IL36B: variants seen among roughly 807,000 people sequenced by gnomAD.
IL36B encodes the protein interleukin-36 beta.
In IL36B, 23 loss-of-function variants were observed where a neutral mutation model predicts 19.3. That is an observed-to-expected ratio of 1.19 (90% confidence interval 0.86 to 1.69). The LOEUF is 1.69. Ranked by LOEUF, IL36B falls within the 40% of genes most tolerant of loss-of-function variation. IL36B has a pLI of 0.00. For missense variants in IL36B, 217 were observed against 200.5 expected, an observed-to-expected ratio of 1.08 and a Z score of -0.50; for synonymous variants, 59 against 59.7, an observed-to-expected ratio of 0.99 and a Z score of 0.05.
At chr2:113,028,005 G>C (rs1684995791) in intron 4 of IL36B, 2 of 1,614,064 alleles carry the variant, frequency 1.2e-6, no homozygotes, top group Non-Finnish European at 8.5e-7. Context: ...CTATGAACCA[G>C]CCAGGGTAAG....
At chr2:113,048,427 G>C (rs1442384502) in intron 1 of IL36B, among the ~76,000 whole-genome samples, 2 of 152,184 alleles carry the variant, frequency 1.3e-5, no homozygotes, top group Non-Finnish European at 2.9e-5. Context: ...GAGTGACAGA[G>C]TGAGACTCTG....
At chr2:113,026,374 T>C (rs1347621470) in intron 4 of IL36B, 1 of 1,344,144 alleles carries the variant, frequency 7.4e-7, no homozygotes, top group Non-Finnish European at 9.9e-7. Flanking sequence ...CCAAAGAGAA[T>C]GCGGGGCACT....
At chr2:113,036,620 C>T (rs1461537071) in intron 1 of IL36B, among the ~76,000 whole-genome samples, 1 of 152,054 alleles carries the variant, frequency 6.6e-6, no homozygotes, top group East Asian at 1.9e-4. Flanking sequence ...TCTTCCTGCC[C>T]CCAGGAAGAA....
intron 1 of IL36B, among the ~76,000 whole-genome samples, chr2:113,034,931 C>G (rs1685140844): frequency 6.6e-6 from 1 of 152,134 alleles, no homozygotes; most frequent in Non-Finnish European, 1.5e-5. Flanking sequence ...TCAGGGAGAC[C>G]CTGATGTGAT....
intron 4 of IL36B, among the ~76,000 whole-genome samples, 157 bp from the exon 5 acceptor site, chr2:113,028,272 A>C (rs1685002121): frequency 6.6e-6 from 1 of 152,156 alleles, no homozygotes. Flanking sequence ...AGAGTGTTAA[A>C]AACGGGAACT....
intron 5 of IL36B, among the ~76,000 whole-genome samples, chr2:113,025,097 G>A (rs2105038832): frequency 6.6e-6 from 1 of 152,320 alleles, no homozygotes; most frequent in South Asian, 2.1e-4. Context: ...CCAAGAGGGA[G>A]GCAGAGGATA....
At chr2:113,027,444 A>T in intron 4 of IL36B, 1 of 1,011,338 alleles carries the variant, frequency 9.9e-7, no homozygotes, top group Non-Finnish European at 1.2e-6. Context: ...TAGGATTAGA[A>T]AGACATGCAA....
intron 5 of IL36B, among the ~76,000 whole-genome samples, chr2:113,024,215 CTCTTGCT>C (rs1401314414): frequency 2.6e-5 from 4 of 152,128 alleles, no homozygotes; most frequent in African/African-American, 9.7e-5. Context: ...AGGACCGTGA[CTCTTGCT>C]TAAGAAAGCA....
At chr2:113,027,747 T>A (rs1209526150) in intron 4 of IL36B, 3 of 1,444,610 alleles carry the variant, frequency 2.1e-6, no homozygotes, top group Non-Finnish European at 1.8e-6. Flanking sequence ...CAGAAATGGA[T>A]GTTTGGAGGA....
At chr2:113,036,845 G>T (rs1467799177) in intron 1 of IL36B, among the ~76,000 whole-genome samples, 3 of 152,218 alleles carry the variant, frequency 2.0e-5, no homozygotes, top group African/African-American at 7.2e-5. Context: ...AGTCAGAAGG[G>T]ACTGCATCTG....
At chr2:113,050,582 T>G (rs1372766898) in intron 1 of IL36B, among the ~76,000 whole-genome samples, 1 of 152,158 alleles carries the variant, frequency 6.6e-6, no homozygotes, top group Non-Finnish European at 1.5e-5. Flanking sequence ...ACTGTACACT[T>G]AAAAATGGTT....
At chr2:113,033,426 A>G (rs1242190998) in intron 1 of IL36B, among the ~76,000 whole-genome samples, 8 of 152,046 alleles carry the variant, frequency 5.3e-5, no homozygotes, top group Non-Finnish European at 1.2e-4. Context: ...TTCAGTAGAG[A>G]AGGGGTTTCA....
intron 4 of IL36B, chr2:113,026,380 G>A: frequency 1.5e-6 from 2 of 1,313,448 alleles, no homozygotes; most frequent in Non-Finnish European, 2.0e-6. Flanking sequence ...AGAATGCGGG[G>A]CACTGAAGCA....
At chr2:113,030,575 A>T (rs1185132578) in intron 3 of IL36B, among the ~76,000 whole-genome samples, 1 of 152,254 alleles carries the variant, frequency 6.6e-6, no homozygotes, top group Non-Finnish European at 1.5e-5. Flanking sequence ...GGAATTAAAC[A>T]TTGAAGTTCT....
At chr2:113,043,062 T>C (rs1435304839) in intron 1 of IL36B, among the ~76,000 whole-genome samples, 2 of 152,168 alleles carry the variant, frequency 1.3e-5, no homozygotes, top group African/African-American at 4.8e-5. Context: ...CTTTTTGTTT[T>C]GGTCATCTGT....
chr2:113,031,858 T>C, intron 1 of IL36B, 92 bp from the exon 2 acceptor site: 1 of 656,600 alleles, frequency 1.5e-6, no homozygotes, highest in Non-Finnish European at 2.7e-6. Context: ...AAAAATTCTT[T>C]AGAGAGAGCT....
chr2:113,048,529 A>G (rs1487475568), intron 1 of IL36B, among the ~76,000 whole-genome samples: 1 of 152,234 alleles, frequency 6.6e-6, no homozygotes, highest in Non-Finnish European at 1.5e-5. Flanking sequence ...ATAAATGTTT[A>G]GAAAAGAAGA....
chr2:113,050,897 G>A (rs1415412802), intron 1 of IL36B, among the ~76,000 whole-genome samples: 1 of 152,214 alleles, frequency 6.6e-6, no homozygotes, highest in African/African-American at 2.4e-5. Context: ...GCAGATCCTT[G>A]TGGAAAGAGA....
chr2:113,031,577 G>T, intron 2 of IL36B, 120 bp downstream of exon 2: 1 of 844,252 alleles, frequency 1.2e-6, no homozygotes, highest in Non-Finnish European at 2.0e-6. Context: ...TAGGAACTGA[G>T]TGTTTTAGCA....
Sources: allele counts gnomAD v4.1 joint callset (sites outside exome capture counted in the v4.1 genomes callset), GRCh38; gene constraint gnomAD v4.1.1; transcripts MANE v1.5; gene names NCBI Gene and HGNC (gene_info 2026-07-23, HGNC 2026-07-21).